The following SLC38A12 variants were observed in gnomAD, a reference collection of about 807,000 sequenced individuals.
SLC38A12 encodes solute carrier family 38 member 12, also known as putative sodium-coupled neutral amino acid transporter 12.
the SLC38A12 span, among the ~76,000 whole-genome samples, chr17:74,809,901 C>T: frequency 8.5e-5 from 13 of 152,176 alleles, no homozygotes; most frequent in Non-Finnish European, 1.6e-4. Flanking sequence ...GTACCTGTAC[C>T]GAGAATGTGC....
At chr17:74,823,609 G>A in the SLC38A12 span, among the ~76,000 whole-genome samples, 1 of 152,274 alleles carries the variant, frequency 6.6e-6, no homozygotes, top group Non-Finnish European at 1.5e-5. Context: ...GCTGGTCAGT[G>A]TGGGATGCCT....
chr17:74,825,034 G>T, the SLC38A12 span, among the ~76,000 whole-genome samples: 1 of 152,308 alleles, frequency 6.6e-6, no homozygotes, highest in South Asian at 2.1e-4. Context: ...GGCAGCCAGG[G>T]GTCTCGTGTC....
the SLC38A12 span, chr17:74,836,797 T>C: frequency 1.4e-6 from 2 of 1,461,666 alleles, no homozygotes; most frequent in South Asian, 1.4e-5. The surrounding 1 kb of genome is among the most constrained non-coding windows in gnomAD (Gnocchi z 4.2). Context: ...CAGGTGGGAC[T>C]GTGGCTCTAG....
chr17:74,833,344 A>G, the SLC38A12 span, among the ~76,000 whole-genome samples: 1 of 152,236 alleles, frequency 6.6e-6, no homozygotes, highest in East Asian at 1.9e-4. Context: ...TGAAGGTTCT[A>G]GAAGTTGTTC....
the SLC38A12 span, among the ~76,000 whole-genome samples, chr17:74,797,210 G>A: frequency 3.9e-5 from 6 of 152,298 alleles, no homozygotes; most frequent in East Asian, 1.2e-3. Flanking sequence ...CTTGTTAAAT[G>A]GTTCCCTCAC....
the SLC38A12 span, chr17:74,795,662 C>T: frequency 6.4e-7 from 1 of 1,564,024 alleles, no homozygotes; most frequent in South Asian, 1.1e-5. Flanking sequence ...TGCCGCCTGC[C>T]CCAGCCCAGC....
At chr17:74,807,920 A>G in the SLC38A12 span, among the ~76,000 whole-genome samples, 2 of 152,352 alleles carry the variant, frequency 1.3e-5, no homozygotes, top group South Asian at 4.1e-4. Flanking sequence ...TGCAGGTGCT[A>G]GATTCCGTGG....
the SLC38A12 span, chr17:74,837,900 G>C: frequency 3.0e-6 from 3 of 985,502 alleles, no homozygotes; most frequent in African/African-American, 3.5e-5. Flanking sequence ...GGCCCCACCT[G>C]TCCTGGAGCC....
At chr17:74,812,669 G>GC in the SLC38A12 span, among the ~76,000 whole-genome samples, 1 of 152,062 alleles carries the variant, frequency 6.6e-6, no homozygotes, top group Non-Finnish European at 1.5e-5. Context: ...ACCCAGATGA[G>GC]CCCCCCTGCG....
chr17:74,816,439 A>G, the SLC38A12 span, among the ~76,000 whole-genome samples: 70 of 152,332 alleles, frequency 4.6e-4, no homozygotes, highest in Admixed American at 3.8e-3. Flanking sequence ...TAGACTGCAG[A>G]ACGTTCTAAA....
chr17:74,836,741 C>A, the SLC38A12 span: 1 of 1,525,598 alleles, frequency 6.6e-7, no homozygotes, highest in African/African-American at 1.4e-5. This position sits in a 1 kb window ranked among gnomAD's most constrained non-coding sequence, Gnocchi z 4.2. Flanking sequence ...AGCCCCACCC[C>A]TCGCCCGCAG....
chr17:74,832,399 C>T, the SLC38A12 span, among the ~76,000 whole-genome samples: 4 of 152,240 alleles, frequency 2.6e-5, no homozygotes, highest in African/African-American at 7.2e-5. Context: ...GAGGGCCCTG[C>T]CCCCTCCCCA....
the SLC38A12 span, chr17:74,790,842 A>T: frequency 1.2e-6 from 1 of 853,944 alleles, no homozygotes; most frequent in Non-Finnish European, 1.8e-6. Context: ...AGTTTTCTCG[A>T]GTTTGGACAC....
At chr17:74,808,940 C>A in the SLC38A12 span, among the ~76,000 whole-genome samples, 3 of 152,168 alleles carry the variant, frequency 2.0e-5, no homozygotes, top group African/African-American at 7.2e-5. Flanking sequence ...CATTAGGTTC[C>A]CTCCCAGGTG....
At chr17:74,784,653 C>T in the SLC38A12 span, among the ~76,000 whole-genome samples, 2 of 152,120 alleles carry the variant, frequency 1.3e-5, no homozygotes, top group African/African-American at 4.8e-5. Flanking sequence ...TGGAGAGCAT[C>T]ACAGAAGGGG....
chr17:74,790,417 G>A, the SLC38A12 span: 1 of 880,020 alleles, frequency 1.1e-6, no homozygotes, highest in East Asian at 2.5e-5. Context: ...CCTGGGTTCT[G>A]AGGCAGGCCC....
At chr17:74,832,187 TCCTC>T in the SLC38A12 span, among the ~76,000 whole-genome samples, 2 of 151,878 alleles carry the variant, frequency 1.3e-5, no homozygotes, top group Non-Finnish European at 2.9e-5. Flanking sequence ...GTCCCTCCCT[TCCTC>T]CCTTCCTTCC....
At chr17:74,782,009 A>G in the SLC38A12 span, among the ~76,000 whole-genome samples, 1 of 152,186 alleles carries the variant, frequency 6.6e-6, no homozygotes, top group Non-Finnish European at 1.5e-5. Context: ...TTCCTGGGGT[A>G]TCCACTGTTT....
the SLC38A12 span, chr17:74,785,592 G>A: frequency 1.2e-6 from 2 of 1,613,812 alleles, no homozygotes; most frequent in Non-Finnish European, 1.7e-6. Flanking sequence ...TGGTGTTCCT[G>A]GGCTTCATGA....
Sources: allele counts gnomAD v4.1 joint callset (sites outside exome capture counted in the v4.1 genomes callset), GRCh38; gene constraint gnomAD v4.1.1; non-coding constraint Gnocchi (gnomAD v3.1); transcripts MANE v1.5; gene names NCBI Gene and HGNC (gene_info 2026-07-23, HGNC 2026-07-21).